ARHGEF3: variants seen among roughly 807,000 people sequenced by gnomAD.
ARHGEF3 encodes Rho guanine nucleotide exchange factor 3.
A neutral mutation model predicts 63.2 loss-of-function variants in ARHGEF3; 28 were observed. That is an observed-to-expected ratio of 0.44 (90% confidence interval 0.33 to 0.61). The LOEUF is 0.61. Among genes scored for constraint, ARHGEF3 ranks in the 20% least tolerant of loss-of-function variants. ARHGEF3 has a pLI of 0.03. For synonymous variants in ARHGEF3, 266 were observed against 254.2 expected (o/e 1.05, Z -0.44); for missense variants, 533 against 659.3 (o/e 0.81, Z 2.10).
chr3:57,059,949 TCACGCCATTGCACTCCAG>T (rs1705132322), intron 1 of ARHGEF3, among the ~76,000 whole-genome samples: 1 of 151,884 alleles, frequency 6.6e-6, no homozygotes, highest in Admixed American at 6.6e-5. Flanking sequence ...TCAGCGGAGA[TCACGCCATTGCACTCCAG>T]CCTGGGCAAC....
At chr3:56,811,784 T>C (rs545918443) in intron 4 of ARHGEF3, among the ~76,000 whole-genome samples, 1 of 152,334 alleles carries the variant, frequency 6.6e-6, no homozygotes, top group Non-Finnish European at 1.5e-5. Flanking sequence ...GATTTTATCA[T>C]TGCACTATCA....
chr3:56,772,426 T>C (rs2036056901), intron 2 of ARHGEF3, among the ~76,000 whole-genome samples: 1 of 152,140 alleles, frequency 6.6e-6, no homozygotes, highest in African/African-American at 2.4e-5. Context: ...TGGGTTCTGG[T>C]CCCCAGTTTT....
At chr3:56,736,561 T>TA (rs1321444379) in intron 8 of ARHGEF3, among the ~76,000 whole-genome samples, 1 of 152,256 alleles carries the variant, frequency 6.6e-6, no homozygotes, top group Non-Finnish European at 1.5e-5. Context: ...ATCCTTCTAA[T>TA]ATCTTATTAA....
intron 2 of ARHGEF3, among the ~76,000 whole-genome samples, chr3:56,767,170 C>T (rs1222616920): frequency 6.6e-6 from 1 of 151,354 alleles, no homozygotes; most frequent in African/African-American, 2.4e-5. Context: ...AAAATCAAGT[C>T]TTTGAAAACT....
intron 4 of ARHGEF3, among the ~76,000 whole-genome samples, chr3:56,880,314 A>C (rs2040725566): frequency 6.6e-6 from 1 of 152,230 alleles, no homozygotes; most frequent in Admixed American, 6.5e-5. Flanking sequence ...GTTAAGAAAA[A>C]AGGAAATATC....
intron 3 of ARHGEF3, among the ~76,000 whole-genome samples, chr3:56,926,093 C>T (rs73833777): frequency 0.054 from 8,185 of 152,252 alleles, 766 homozygotes; most frequent in African/African-American, 0.19. Flanking sequence ...CCCACAGCCT[C>T]GAAGCACTAG....
upstream of ARHGEF3, among the ~76,000 whole-genome samples, chr3:56,806,741 C>G (rs2037874114): frequency 6.6e-6 from 1 of 152,220 alleles, no homozygotes; most frequent in African/African-American, 2.4e-5. Flanking sequence ...TCTGTCAACT[C>G]CTTAAATCCC....
At chr3:56,825,311 T>C (rs2038671927) in intron 4 of ARHGEF3, among the ~76,000 whole-genome samples, 1 of 152,226 alleles carries the variant, frequency 6.6e-6, no homozygotes, top group South Asian at 2.1e-4. Context: ...CTTCACAAGC[T>C]ATAGAATATT....
At chr3:56,942,256 G>A (rs1699223776) in intron 3 of ARHGEF3, among the ~76,000 whole-genome samples, 1 of 152,176 alleles carries the variant, frequency 6.6e-6, no homozygotes, top group South Asian at 2.1e-4. Flanking sequence ...AAACTGCATT[G>A]AGCAAATCTA....
chr3:56,967,902 ATAT>A (rs1352764378), intron 2 of ARHGEF3, among the ~76,000 whole-genome samples: 2 of 74,554 alleles, frequency 2.7e-5, no homozygotes, highest in Non-Finnish European at 4.6e-5. Context: ...TATATAAATA[ATAT>A]ATTATATATA....
chr3:57,011,711 C>T (rs987779492), intron 2 of ARHGEF3, among the ~76,000 whole-genome samples: 21 of 152,190 alleles, frequency 1.4e-4, no homozygotes, highest in African/African-American at 5.1e-4. Flanking sequence ...CACTTATTTA[C>T]CTGCTGTGTG....
chr3:56,950,159 A>G (rs911544562), intron 3 of ARHGEF3, among the ~76,000 whole-genome samples: 1 of 152,106 alleles, frequency 6.6e-6, no homozygotes, highest in East Asian at 1.9e-4. Context: ...TAAATGTTAG[A>G]CCTAAAACTA....
At chr3:56,861,865 G>GT (rs10707315) in intron 4 of ARHGEF3, among the ~76,000 whole-genome samples, 3,145 of 141,742 alleles carry the variant, frequency 0.022, 80 homozygotes, top group African/African-American at 0.065. Flanking sequence ...TAACCTGTTG[G>GT]TTTTTTTTTT....
intron 1 of ARHGEF3, among the ~76,000 whole-genome samples, chr3:57,077,839 G>A (rs1237656768): frequency 6.6e-6 from 1 of 152,094 alleles, no homozygotes; most frequent in Admixed American, 6.5e-5. Flanking sequence ...CCCACATTCT[G>A]AGATATACTT....
rs368526437 is a variant in ARHGEF3 at position 57,009,601 on chromosome 3, G to A, written c.62+25487C>T. Among the ~76,000 whole-genome samples the A allele has an allele frequency of 2.8e-4, 42 of 152,294 alleles. No individual in the cohort carries two copies. In the East Asian group the frequency reaches 6.6e-3, roughly 24 times the overall value. On this transcript the variant is annotated intron_variant, in intron 2 of 12. Coordinates refer to the ARHGEF3 transcript ENST00000338458. ...CTGCAGGCCTGCCAAGTTGCTGGAGGAGATTAAACAAAAAGTGAGCCACAC... is the reference window on the plus strand; with the variant it reads ...CTGCAGGCCTGCCAAGTTGCTGGAGAAGATTAAACAAAAAGTGAGCCACAC...
chr3:57,059,087 G>C (rs916620770), intron 1 of ARHGEF3, among the ~76,000 whole-genome samples: 1 of 151,914 alleles, frequency 6.6e-6, no homozygotes, highest in African/African-American at 2.4e-5. Context: ...CACATGTATA[G>C]ATATGTAACA....
chr3:56,946,343 A>C (rs1699497130), intron 3 of ARHGEF3, among the ~76,000 whole-genome samples: 2 of 152,226 alleles, frequency 1.3e-5, no homozygotes, highest in Non-Finnish European at 2.9e-5. Flanking sequence ...CTAAAGGAGG[A>C]AGTTCAAACC....
chr3:56,755,074 C>G lies in ARHGEF3; in HGVS notation c.282G>C (p.Ser94=), dbSNP rs889756914. The change falls in exon 3 of 10, where the codon TCG becomes TCC. Residue 94 remains serine, a synonymous_variant. Coordinates refer to ENST00000296315, the MANE Select transcript of ARHGEF3 (RefSeq NM_019555.3). ...PRPWSRNAAP[S]STKRRDSKLW... is the part of the protein sequence containing the mutation. ...GCTTGCTATCTCTCCGTTTCGTGCT[C>G]GAGGGGGCGGCATTTCTGGACCAGG... is the stretch of plus-strand genomic sequence containing the variant. 6.8e-6 allele frequency: 11 copies of G among 1,613,886 alleles called. No homozygotes were observed. The highest frequency in any genetic ancestry group is 9.3e-6 in the Non-Finnish European group (11 of 1,180,016).
At chr3:56,956,558 A>T (rs1700052587) in intron 3 of ARHGEF3, among the ~76,000 whole-genome samples, 1 of 152,190 alleles carries the variant, frequency 6.6e-6, no homozygotes, top group Admixed American at 6.5e-5. Flanking sequence ...TTCAAGGGAA[A>T]ACAGTTGAAG....
Sources: gnomAD v4.1 joint callset for allele counts (sites outside exome capture counted in the v4.1 genomes callset) on GRCh38, gnomAD v4.1.1 for gene constraint, MANE v1.5 for transcripts, NCBI Gene and HGNC (gene_info 2026-07-23, HGNC 2026-07-21) for gene names.